The following JAK1 variants were observed in gnomAD, a reference collection of about 807,000 sequenced individuals.
JAK1 encodes tyrosine-protein kinase JAK1.
A neutral mutation model predicts 136.6 loss-of-function variants in JAK1; 16 were observed. The ratio of observed to expected loss-of-function variants is 0.12; its 90% CI spans 0.08 to 0.18. The LOEUF (loss-of-function observed/expected upper bound fraction) is 0.18, where lower values mean the gene tolerates loss of function less well. JAK1 is among the 10% of genes least tolerant of loss of function. JAK1 has a pLI of 1.00. For missense variants in JAK1, 859 were observed against 1,450.1 expected (o/e 0.59, Z 6.62); for synonymous variants, 492 against 519.5 (o/e 0.95, Z 0.72).
intron 1 of JAK1, among the ~76,000 whole-genome samples, chr1:65,062,298 C>G (rs562348505): frequency 6.6e-6 from 1 of 152,184 alleles, no homozygotes. Flanking sequence ...TCTCACCCCC[C>G]GGATTTTAGA....
At chr1:64,939,399 T>G (rs1475184359) in intron 1 of JAK1, among the ~76,000 whole-genome samples, 1 of 152,196 alleles carries the variant, frequency 6.6e-6, no homozygotes, top group Non-Finnish European at 1.5e-5. Flanking sequence ...TTCCATACAT[T>G]CACACAAGTT....
chr1:64,882,168 T>C (rs1644783695), intron 3 of JAK1, among the ~76,000 whole-genome samples: 1 of 152,218 alleles, frequency 6.6e-6, no homozygotes, highest in Admixed American at 6.5e-5. Flanking sequence ...CTCTTCCCCA[T>C]ACCATAAGCC....
At chr1:64,944,007 G>A (rs1013829422) in intron 1 of JAK1, among the ~76,000 whole-genome samples, 2 of 151,732 alleles carry the variant, frequency 1.3e-5, no homozygotes, top group African/African-American at 4.8e-5. Flanking sequence ...CGGATCACGA[G>A]GTCAGGAGAT....
chr1:64,851,006 C>CA, intron 11 of JAK1, 96 bp from the exon 12 acceptor site: 1 of 779,050 alleles, frequency 1.3e-6, no homozygotes, highest in Non-Finnish European at 2.3e-6. Flanking sequence ...GACCGGTGTG[C>CA]GGGCGCTTGC....
At chr1:64,963,949 T>C (rs1392676843) in intron 1 of JAK1, among the ~76,000 whole-genome samples, 3 of 152,136 alleles carry the variant, frequency 2.0e-5, no homozygotes, top group Non-Finnish European at 4.4e-5. Context: ...TTCCCCCAAG[T>C]TGTAACAACC....
chr1:64,858,553 G>A (rs1656090990), intron 9 of JAK1, among the ~76,000 whole-genome samples: 2 of 152,168 alleles, frequency 1.3e-5, no homozygotes, highest in African/African-American at 4.8e-5. Flanking sequence ...CCTACTCTGA[G>A]CAGGCTCTTT....
At chr1:64,840,495 C>G (rs2100969974) in intron 19 of JAK1, among the ~76,000 whole-genome samples, 1 of 152,286 alleles carries the variant, frequency 6.6e-6, no homozygotes, top group East Asian at 1.9e-4. Flanking sequence ...CAAAGAAACG[C>G]TGACACTCTA....
intron 2 of JAK1, chr1:64,990,275 C>T (rs1646642704): frequency 6.6e-6 from 1 of 152,242 alleles, no homozygotes. Context: ...TCACTCCAGC[C>T]TGGGCAACAG....
chr1:64,939,944 G>T (rs1314131579), intron 1 of JAK1, among the ~76,000 whole-genome samples: 1 of 152,148 alleles, frequency 6.6e-6, no homozygotes. Flanking sequence ...TTGTTTTGAA[G>T]CACACATAAA....
In JAK1 at chr1:65,035,795, G is replaced by A. The variant is rs529360928; in HGVS notation, c.-78+8685C>T. ...ACTAAAAGAAAAGAGCTGGCCGGACGCGGTGGTTCACGCCTGTAATCCCAG... is the reference window on the plus strand; with the variant it reads ...ACTAAAAGAAAAGAGCTGGCCGGACACGGTGGTTCACGCCTGTAATCCCAG... On this transcript the variant is annotated intron_variant, in intron 2 of 25. Coordinates refer to the JAK1 transcript ENST00000671954. 3.9e-5 allele frequency among the ~76,000 whole-genome samples: 6 copies of A among 152,184 alleles called. No homozygotes were observed. The South Asian group carries it at 8.3e-4, about 21-fold the overall frequency.
intron 1 of JAK1, among the ~76,000 whole-genome samples, chr1:64,936,822 T>TC (rs1017529198): frequency 4.6e-5 from 7 of 152,212 alleles, no homozygotes; most frequent in African/African-American, 1.4e-4. Flanking sequence ...AAACATGGTA[T>TC]CCCACGTTGG....
chr1:65,044,885 A>G (rs113162718), intron 1 of JAK1, among the ~76,000 whole-genome samples: 39 of 152,376 alleles, frequency 2.6e-4, no homozygotes, highest in African/African-American at 4.1e-4. Flanking sequence ...TTTGTAAAAC[A>G]TAACAATGAA....
rs974206767 is a variant in JAK1, at chr1:65,067,595, C to T, written c.-181+9G>A. On this transcript the variant is annotated intron_variant, in intron 1 of 25. Transcript: ENST00000671954. ...CGCCCCCGCGCCCGGCCGCCGCCCCCACACCCACCTGCGCCCCCGGGGGTC... is the reference window on the plus strand; with the variant it reads ...CGCCCCCGCGCCCGGCCGCCGCCCCTACACCCACCTGCGCCCCCGGGGGTC... The T allele has an allele frequency of 8.8e-5, 13 of 147,662 alleles. No individual in the cohort carries two copies. The Admixed American group carries it at 8.8e-4, about 10-fold the overall frequency. 9.1% of individuals were successfully genotyped at this position (147,662 alleles called of 1,614,324 possible). A position where few individuals can be genotyped will look rare whatever the true frequency, so the allele number is the denominator to read the frequency against.
At chr1:65,037,852 T>C (rs574237367) in intron 2 of JAK1, among the ~76,000 whole-genome samples, 1 of 152,132 alleles carries the variant, frequency 6.6e-6, no homozygotes, top group African/African-American at 2.4e-5. Flanking sequence ...GGCAACAGAG[T>C]GAGACCTTGT....
At chr1:65,005,034 A>G (rs1003241547) in intron 2 of JAK1, among the ~76,000 whole-genome samples, 1 of 152,180 alleles carries the variant, frequency 6.6e-6, no homozygotes. Context: ...ATCATCTCCT[A>G]TATTTTTCCC....
chr1:64,886,206 A>AT (rs1445498745), intron 2 of JAK1, 53 bp downstream of exon 2: 9 of 1,241,216 alleles, frequency 7.3e-6, no homozygotes, highest in Non-Finnish European at 1.1e-5. Flanking sequence ...GGTTTCATCA[A>AT]TTTTTTTAAA....
intron 1 of JAK1, among the ~76,000 whole-genome samples, chr1:64,905,160 A>T (rs2100223196): frequency 6.6e-6 from 1 of 152,250 alleles, no homozygotes; most frequent in Admixed American, 6.5e-5. Flanking sequence ...ATCTTTCTGC[A>T]AGTCTTCTCT....
Position 64,850,852 on chromosome 1 carries a change from G to C in JAK1, c.1707C>G (p.Pro569=), listed in dbSNP as rs1158730475. Residue 569 remains proline (P), a synonymous_variant, in exon 12 of 25, where the codon CCC becomes CCG. Coordinates refer to ENST00000342505, the MANE Select transcript of JAK1 (RefSeq NM_002227.4). ...TCCGATCGAAACTCAGCTGGCTCATGGGGTAGACGGGCTGCCACTCCTGGG... is the reference window on the plus strand; with the variant it reads ...TCCGATCGAAACTCAGCTGGCTCATCGGGTAGACGGGCTGCCACTCCTGGG... ...KKAQEWQPVY[P]MSQLSFDRIL... is the part of the protein sequence containing the mutation. 2 of 1,614,034 alleles carry C rather than the reference G, an allele frequency of 1.2e-6. No individual in the cohort carries two copies. Among genetic ancestry groups the C allele is most frequent in the Non-Finnish European group, 8.5e-7 (1 of 1,180,004 alleles).
intron 2 of JAK1, among the ~76,000 whole-genome samples, chr1:65,002,964 G>C (rs532489803): frequency 1.3e-5 from 2 of 152,086 alleles, no homozygotes; most frequent in Non-Finnish European, 2.9e-5. Flanking sequence ...AGCGGGAACC[G>C]GGCTGTCCGG....
Sources: allele counts gnomAD v4.1 joint callset (sites outside exome capture counted in the v4.1 genomes callset), GRCh38; gene constraint gnomAD v4.1.1; transcripts MANE v1.5; gene names NCBI Gene and HGNC (gene_info 2026-07-23, HGNC 2026-07-21).